The following ITGA8 variants were observed in gnomAD, a reference collection of about 807,000 sequenced individuals.
The protein encoded by ITGA8 is integrin alpha-8.
A neutral mutation model predicts 142.3 loss-of-function variants in ITGA8; 91 were observed. That is an observed-to-expected ratio of 0.64 (90% CI 0.54 to 0.76). The LOEUF is 0.76. ITGA8 is among the 30% of genes least tolerant of loss of function. The pLI is 0.00. For synonymous variants in ITGA8, 505 were observed against 485.2 expected (o/e 1.04, Z -0.54); for missense variants, 1,406 against 1,327.7 (o/e 1.06, Z -0.92).
chr10:15,575,407 T>G, intron 24 of ITGA8, 82 bp downstream of exon 24: 1 of 970,794 alleles, frequency 1.0e-6, no homozygotes, highest in Non-Finnish European at 1.7e-6. Context: ...ATAATGATAA[T>G]GATAATAATG....
chr10:15,605,295 C>A (rs1160178438), intron 19 of ITGA8, among the ~76,000 whole-genome samples: 4 of 152,124 alleles, frequency 2.6e-5, no homozygotes, highest in African/African-American at 7.2e-5. Flanking sequence ...TTTATTTATT[C>A]AATAAGTTAA....
At chr10:15,607,385 G>A (rs1833213166) in intron 17 of ITGA8, among the ~76,000 whole-genome samples, 1 of 152,118 alleles carries the variant, frequency 6.6e-6, no homozygotes, top group Admixed American at 6.6e-5. Flanking sequence ...GCACTTTTAT[G>A]TATTTTGGGG....
In ITGA8 at chr10:15,613,667, C is replaced by T; in HGVS notation, c.1546G>A (p.Ala516Thr). The T allele has an allele frequency of 1.2e-6, 2 of 1,607,284 alleles. No individual in the cohort carries two copies. Among genetic ancestry groups the T allele is most frequent in the Non-Finnish European group, 8.5e-7 (1 of 1,173,882 alleles). Residue 516 changes from alanine (A) to threonine (T), a missense_variant, in exon 15 of 30, where the codon GCT (alanine) becomes ACT (threonine). Physicochemically the swap from Ala to Thr is moderately conservative, Grantham distance 58. Transcript: ENST00000378076. Reference sequence around the variant, plus strand: ...AGCACCGGACTAACTCACCAGGCAGCAGATGTCATAGAGTCTGGAACCTGG... The same window carrying T: ...AGCACCGGACTAACTCACCAGGCAGTAGATGTCATAGAGTCTGGAACCTGG... The part of the protein sequence containing the change: ...TCQVPDSMTS[A>T]ACFSLRVCAS...
intron 29 of ITGA8, 77 bp downstream of exon 29, chr10:15,519,213 A>G: frequency 1.3e-6 from 2 of 1,541,618 alleles, no homozygotes; most frequent in Non-Finnish European, 1.8e-6. Context: ...TTGTCTTTTA[A>G]AATCCCTAAC....
intron 23 of ITGA8, among the ~76,000 whole-genome samples, chr10:15,576,057 A>T (rs1199966004): frequency 6.6e-6 from 1 of 152,084 alleles, no homozygotes; most frequent in Non-Finnish European, 1.5e-5. Flanking sequence ...AAAGTCTAGG[A>T]TGCCGTGTGT....
intron 28 of ITGA8, among the ~76,000 whole-genome samples, chr10:15,524,943 T>C (rs965120482): frequency 6.6e-6 from 1 of 152,224 alleles, no homozygotes; most frequent in Middle Eastern, 3.2e-3. Flanking sequence ...TCATAAATGT[T>C]AGAGTTTCTC....
At chr10:15,524,015 A>G (rs1033049008) in intron 28 of ITGA8, among the ~76,000 whole-genome samples, 1 of 152,186 alleles carries the variant, frequency 6.6e-6, no homozygotes, top group African/African-American at 2.4e-5. Flanking sequence ...CATTTCCTCC[A>G]TGTCATCCTG....
At chr10:15,572,176 A>G (rs748534964) in intron 25 of ITGA8, 35 bp downstream of exon 25, 8 of 1,507,348 alleles carry the variant, frequency 5.3e-6, no homozygotes, top group Non-Finnish European at 7.1e-6. Flanking sequence ...ATAAAAATAA[A>G]ATCAACAAAG....
At chr10:15,534,712 A>T (rs936173995) in intron 27 of ITGA8, among the ~76,000 whole-genome samples, 5 of 151,874 alleles carry the variant, frequency 3.3e-5, no homozygotes, top group African/African-American at 1.2e-4. Flanking sequence ...TTTGAAGGGG[A>T]TATTGATAAG....
intron 13 of ITGA8, among the ~76,000 whole-genome samples, chr10:15,640,345 C>T (rs988438390): frequency 1.3e-5 from 2 of 152,172 alleles, no homozygotes; most frequent in East Asian, 3.9e-4. Flanking sequence ...GTGTGTGCCA[C>T]CCAGGGTCAT....
chr10:15,641,015 C>G (rs891642397), intron 13 of ITGA8, among the ~76,000 whole-genome samples: 1 of 152,184 alleles, frequency 6.6e-6, no homozygotes, highest in Non-Finnish European at 1.5e-5. Context: ...AAACCCCTTT[C>G]TATTTCATTC....
chr10:15,565,069 T>C (rs1290634326), intron 25 of ITGA8, among the ~76,000 whole-genome samples: 1 of 152,230 alleles, frequency 6.6e-6, no homozygotes, highest in East Asian at 1.9e-4. Context: ...TTCCAAAATA[T>C]ATGTGCAAAC....
intron 23 of ITGA8, among the ~76,000 whole-genome samples, chr10:15,585,259 G>T (rs995881018): frequency 1.3e-5 from 2 of 152,186 alleles, no homozygotes; most frequent in African/African-American, 4.8e-5. Context: ...GAGCTCTGGA[G>T]ACAGTTGCCT....
intron 27 of ITGA8, among the ~76,000 whole-genome samples, chr10:15,533,026 T>C (rs1833343691): frequency 6.6e-6 from 1 of 152,098 alleles, no homozygotes; most frequent in African/African-American, 2.4e-5. Flanking sequence ...CAGTGGCAAA[T>C]GTTACGGATC....
At chr10:15,686,820 T>C (rs1834840022) in intron 3 of ITGA8, among the ~76,000 whole-genome samples, 2 of 152,180 alleles carry the variant, frequency 1.3e-5, no homozygotes, top group Non-Finnish European at 2.9e-5. Flanking sequence ...ATGAACACGG[T>C]GTATTATTGT....
chr10:15,673,142 G>T (rs1588714674), intron 6 of ITGA8, among the ~76,000 whole-genome samples: 1 of 152,116 alleles, frequency 6.6e-6, no homozygotes. Context: ...GGAGTGCAAT[G>T]GTGCAGTCTC....
rs574620236 is a variant in ITGA8 at position 15,682,928 on chromosome 10, C to A, written c.568+1076G>T. Among the ~76,000 whole-genome samples the A allele has an allele frequency of 1.2e-4, 15 of 120,638 alleles. No homozygotes were observed. In the South Asian group the frequency reaches 5.0e-3, roughly 40 times the overall value. The allele number at this position is 120,638 out of a possible 152,430, so 79.1% of individuals were successfully genotyped here. On this transcript the variant is annotated intron_variant, in intron 4 of 29. Coordinates refer to ENST00000378076, the MANE Select transcript of ITGA8 (RefSeq NM_003638.3). ...AATCTCAGCAGCCTCTTTGTTAACCCTCTAATATCACTAATCGATTTTTTC... is the reference window on the plus strand; with the variant it reads ...AATCTCAGCAGCCTCTTTGTTAACCATCTAATATCACTAATCGATTTTTTC...
intron 27 of ITGA8, among the ~76,000 whole-genome samples, chr10:15,533,456 T>C (rs939368182): frequency 1.3e-5 from 2 of 152,210 alleles, no homozygotes; most frequent in Admixed American, 6.5e-5. Flanking sequence ...AAATCATGTG[T>C]GTACCTGGTG....
At position 15,718,783 on chromosome 10, in the gene ITGA8, A is replaced by T; in HGVS notation, c.326T>A (p.Ile109Lys). 6.2e-7 allele frequency: 1 copy of T among 1,614,126 alleles called. No individual in the cohort carries two copies. Among genetic ancestry groups the T allele is most frequent in the East Asian group, 2.2e-5 (1 of 44,874 alleles). The change falls in exon 2 of 30, where the codon ATA becomes AAA. Residue 109 changes from isoleucine (I) to lysine (K), a missense_variant. Physicochemically the swap from Ile to Lys is moderately radical, Grantham distance 102 (BLOSUM62 -3). Transcript: ENST00000378076. ...PAEGSAQCRQ[I>K]PFDTTNNRKI... ...TCACTTACTGGTGGTGTCAAACGGT[A>T]TCTGCCTGCACTGCGCAGACCCCTC...
Sources: gnomAD v4.1 joint callset for allele counts (sites outside exome capture counted in the v4.1 genomes callset) on GRCh38, gnomAD v4.1.1 for gene constraint, MANE v1.5 for transcripts, NCBI Gene and HGNC (gene_info 2026-07-23, HGNC 2026-07-21) for gene names.